Variants in ESRRB observed in about 807,000 individuals in gnomAD.
ESRRB encodes steroid hormone receptor ERR2.
In ESRRB, 16 loss-of-function variants were observed where a neutral mutation model predicts 46.0. The ratio of observed to expected loss-of-function variants is 0.35; its 90% CI spans 0.24 to 0.53. ESRRB has a LOEUF of 0.53. ESRRB is among the 20% of genes least tolerant of loss of function. The pLI, the probability that ESRRB is intolerant of heterozygous loss-of-function variation, is 0.93. For synonymous variants in ESRRB, 246 were observed against 259.6 expected (o/e 0.95, Z 0.50); for missense variants, 488 against 607.4 (o/e 0.80, Z 2.07).
chr14:76,410,114 C>G (rs545200801), intron 1 of ESRRB, among the ~76,000 whole-genome samples: 57 of 152,230 alleles, frequency 3.7e-4, no homozygotes, highest in African/African-American at 1.3e-3. Context: ...TTCCCAGCTA[C>G]TCAGGAGGCT....
At chr14:76,435,519 G>A (rs551376216) in intron 1 of ESRRB, among the ~76,000 whole-genome samples, 1 of 152,206 alleles carries the variant, frequency 6.6e-6, no homozygotes, top group Non-Finnish European at 1.5e-5. Context: ...GGCATGCTGA[G>A]GAGGCCAAAA....
At chr14:76,443,458 C>T (rs1019897338) in intron 2 of ESRRB, among the ~76,000 whole-genome samples, 2 of 151,864 alleles carry the variant, frequency 1.3e-5, no homozygotes, top group Admixed American at 1.3e-4. Flanking sequence ...GAATGAGAAC[C>T]TCCAGTATGA....
chr14:76,332,761 A>G (rs771612053), intron 1 of ESRRB, among the ~76,000 whole-genome samples: 1 of 6,546 alleles, frequency 1.5e-4, no homozygotes, highest in African/African-American at 4.7e-4. Flanking sequence ...TTATATATAA[A>G]TATATAATAT....
chr14:76,418,247 G>A lies in ESRRB; in HGVS notation c.51-21094G>A, dbSNP rs113072571. Among the ~76,000 whole-genome samples, 767 of 152,190 alleles carry A rather than the reference G, an allele frequency of 5.0e-3. 7 individuals are homozygous for A. Among genetic ancestry groups the A allele is most frequent in the African/African-American group, 0.018 (737 of 41,528 alleles). On this transcript the variant is annotated intron_variant, in intron 1 of 6. Transcript: ENST00000644823. ...TGAGATTACAGGCGTGAGCCACTGC[G>A]CCTGACCTTTTTCCACTTTTGAAAA...
chr14:76,349,049 C>T (rs1049519790), intron 1 of ESRRB, among the ~76,000 whole-genome samples: 3 of 152,250 alleles, frequency 2.0e-5, no homozygotes, highest in Non-Finnish European at 2.9e-5. Flanking sequence ...TTGTTCTGTG[C>T]CCAGAGGAAA....
At chr14:76,444,909 T>C (rs1888067607) in intron 2 of ESRRB, among the ~76,000 whole-genome samples, 1 of 152,118 alleles carries the variant, frequency 6.6e-6, no homozygotes, top group African/African-American at 2.4e-5. Flanking sequence ...CTGCCTGTAA[T>C]GGTAGCACTT....
chr14:76,388,510 C>T (rs111867042), intron 1 of ESRRB, among the ~76,000 whole-genome samples: 2 of 152,142 alleles, frequency 1.3e-5, no homozygotes, highest in African/African-American at 4.8e-5. Context: ...CTAACTCCTG[C>T]CTTCAGAACA....
Position 76,499,495 on chromosome 14 carries a change from G to C in ESRRB, c.*1037G>C. ...GATAAGTAGGCAGGGGAGCCCCAAA[G>C]GGAGGGAACTCAGCGGGGTGGCCTG... is the stretch of plus-strand genomic sequence containing the variant. On this transcript the variant is annotated 3_prime_UTR_variant, in exon 7 of 7. Coordinates refer to ENST00000644823, the MANE Select transcript of ESRRB (RefSeq NM_001379180.1). 1 of 379,616 alleles carries C rather than the reference G, an allele frequency of 2.6e-6. No homozygotes were observed. Among genetic ancestry groups the C allele is most frequent in the Non-Finnish European group, 5.0e-6 (1 of 199,314 alleles). 23.5% of individuals were successfully genotyped at this position (379,616 alleles called of 1,614,324 possible). A position where few individuals can be genotyped will look rare whatever the true frequency, so the allele number is the denominator to read the frequency against.
chr14:76,396,171 C>CAAACAA (rs36207641), intron 1 of ESRRB, among the ~76,000 whole-genome samples: 3,421 of 150,936 alleles, frequency 0.023, 127 homozygotes, highest in African/African-American at 0.079. Flanking sequence ...GACTCCGTAT[C>CAAACAA]AAACAAAAAC....
At chr14:76,339,778 T>C (rs1884170243) in intron 1 of ESRRB, among the ~76,000 whole-genome samples, 1 of 152,074 alleles carries the variant, frequency 6.6e-6, no homozygotes, top group Non-Finnish European at 1.5e-5. Context: ...CCTGGCTGCC[T>C]CTATGGCCCC....
Position 76,500,231 on chromosome 14 carries a change from T to C in ESRRB, c.*1773T>C. ...ACTGCAGAGCAGCTCTCTGATGGTG[T>C]CCCACACAGAAAATGTTAAGGATTT... On this transcript the variant is annotated 3_prime_UTR_variant, in exon 7 of 7. Coordinates refer to ENST00000644823, the MANE Select transcript of ESRRB (RefSeq NM_001379180.1). The C allele has an allele frequency of 8.0e-6, 5 of 624,344 alleles. No individual in the cohort carries two copies. The South Asian group carries it at 1.0e-4, about 12-fold the overall frequency. The allele number at this position is 624,344 out of a possible 1,614,324, so 38.7% of individuals were successfully genotyped here.
At chr14:76,324,963 C>CTTTTTTTTTTTTTTTTTTT (rs34780208) in intron 1 of ESRRB, among the ~76,000 whole-genome samples, 4 of 102,212 alleles carry the variant, frequency 3.9e-5, no homozygotes, top group East Asian at 2.6e-4. Flanking sequence ...TTTTCTTTTT[C>CTTTTTTTTTTTTTTTTTTT]TTTTTTTTTT....
At chr14:76,363,265 C>T (rs1194477820) in intron 1 of ESRRB, among the ~76,000 whole-genome samples, 1 of 152,166 alleles carries the variant, frequency 6.6e-6, no homozygotes, top group African/African-American at 2.4e-5. Context: ...ATTTATTTTA[C>T]CTCCAAAGGG....
At chr14:76,351,279 C>T (rs1884310477) in intron 1 of ESRRB, among the ~76,000 whole-genome samples, 1 of 152,246 alleles carries the variant, frequency 6.6e-6, no homozygotes, top group East Asian at 1.9e-4. Context: ...TATTGTCTCA[C>T]TGTTCTGAAG....
At chr14:76,479,075 T>A (rs1427573239) in intron 3 of ESRRB, among the ~76,000 whole-genome samples, 1 of 152,178 alleles carries the variant, frequency 6.6e-6, no homozygotes, top group Non-Finnish European at 1.5e-5. Context: ...AATCACCTTG[T>A]CTGATTCCTC....
chr14:76,429,922 C>A (rs1566893646), intron 1 of ESRRB, among the ~76,000 whole-genome samples: 1 of 151,852 alleles, frequency 6.6e-6, no homozygotes, highest in Non-Finnish European at 1.5e-5. Flanking sequence ...ATCGCTGGTT[C>A]GTAACACTTA....
At chr14:76,336,592 T>C (rs1011123295) in intron 1 of ESRRB, among the ~76,000 whole-genome samples, 5 of 152,234 alleles carry the variant, frequency 3.3e-5, no homozygotes, top group Non-Finnish European at 7.4e-5. Flanking sequence ...CCTTCTATTG[T>C]CTTTCCTGCT....
chr14:76,380,319 T>C (rs563496618), intron 1 of ESRRB, among the ~76,000 whole-genome samples: 2 of 152,106 alleles, frequency 1.3e-5, no homozygotes, highest in Non-Finnish European at 2.9e-5. Context: ...GAGTTGGCCA[T>C]GAATGCATAG....
chr14:76,377,075 G>T (rs977865708), intron 1 of ESRRB, among the ~76,000 whole-genome samples: 3 of 152,194 alleles, frequency 2.0e-5, no homozygotes, highest in African/African-American at 7.2e-5. Flanking sequence ...GGCAAAGTTC[G>T]TTCTCGGCTT....
Sources: gnomAD v4.1 joint callset for allele counts (sites outside exome capture counted in the v4.1 genomes callset) on GRCh38, gnomAD v4.1.1 for gene constraint, MANE v1.5 for transcripts, NCBI Gene and HGNC (gene_info 2026-07-23, HGNC 2026-07-21) for gene names.